The following HS3ST1 variants were observed in gnomAD, a reference collection of about 807,000 sequenced individuals.
HS3ST1 encodes heparan sulfate-glucosamine 3-sulfotransferase 1, also known as heparan sulfate glucosamine 3-O-sulfotransferase 1.
Under a neutral mutation model 20.7 loss-of-function variants are expected in HS3ST1, and 8 were observed. The ratio of observed to expected loss-of-function variants is 0.39; its 90% CI spans 0.23 to 0.70. The LOEUF is 0.70. Ranked by LOEUF, HS3ST1 falls within the 30% of genes least tolerant of loss-of-function variation. The probability of loss-of-function intolerance (pLI) is 0.46; values close to 1 mark genes in which losing one functional copy is unlikely to be tolerated. For missense variants in HS3ST1, 436 were observed against 423.4 expected (o/e 1.03, Z -0.26); for synonymous variants, 205 against 190.4 (o/e 1.08, Z -0.63).
chr4:11,426,185 T>G (rs1213441141), intron 1 of HS3ST1, among the ~76,000 whole-genome samples: 1 of 152,176 alleles, frequency 6.6e-6, no homozygotes, highest in African/African-American at 2.4e-5. Context: ...TAGACAGACA[T>G]GATTTAGCAA....
chr4:11,428,223 A>G (rs1427592933), intron 1 of HS3ST1, among the ~76,000 whole-genome samples: 1 of 152,194 alleles, frequency 6.6e-6, no homozygotes, highest in Non-Finnish European at 1.5e-5. Flanking sequence ...AACCCGACCA[A>G]GGCTTCTCCA....
Position 11,422,838 on chromosome 4 carries a change from G to A in HS3ST1, c.-109+5861C>T, listed in dbSNP as rs557097433. Reference sequence around the variant, plus strand: ...AAAAAAATTTCCGTGGACGATGGGAGCAGGCTTAAAGTAAGTTAATAAGCA... The same window carrying A: ...AAAAAAATTTCCGTGGACGATGGGAACAGGCTTAAAGTAAGTTAATAAGCA... On this transcript the variant is annotated intron_variant, in intron 1 of 1. Transcript: ENST00000002596. Among the ~76,000 whole-genome samples, 9 of 151,980 alleles carry A rather than the reference G, an allele frequency of 5.9e-5. No homozygotes were observed. In the East Asian group the frequency reaches 1.4e-3, roughly 23 times the overall value.
chr4:11,395,826 G>A lies in HS3ST1; in HGVS notation c.*3256C>T, dbSNP rs1388895188. 1 of 152,156 alleles carries A rather than the reference G, an allele frequency of 6.6e-6. No homozygotes were observed. Among genetic ancestry groups the A allele is most frequent in the African/African-American group, 2.4e-5 (1 of 41,422 alleles). The allele number at this position is 152,156 out of a possible 1,614,324, so 9.4% of individuals were successfully genotyped here. A position where few individuals can be genotyped will look rare whatever the true frequency, so the allele number is the denominator to read the frequency against. On this transcript the variant is annotated 3_prime_UTR_variant, in exon 2 of 2. Transcript: ENST00000002596. ...CCTCTTCTCTATAAGGGGGCTAGTTGATTTCTCTCAGGAATGTTGCTGAAC... is the reference window on the plus strand; with the variant it reads ...CCTCTTCTCTATAAGGGGGCTAGTTAATTTCTCTCAGGAATGTTGCTGAAC...
At chr4:11,405,780 C>G (rs1302368831) in intron 1 of HS3ST1, among the ~76,000 whole-genome samples, 1 of 152,102 alleles carries the variant, frequency 6.6e-6, no homozygotes, top group African/African-American at 2.4e-5. Context: ...AGAGGGGAAG[C>G]AATGAAATAA....
intron 1 of HS3ST1, among the ~76,000 whole-genome samples, chr4:11,412,874 C>G (rs770421658): frequency 1.3e-5 from 2 of 152,184 alleles, no homozygotes; most frequent in Non-Finnish European, 2.9e-5. Flanking sequence ...AAATCCCCAT[C>G]ATGATGGTAT....
chr4:11,399,551 C>T lies in HS3ST1; in HGVS notation c.455G>A (p.Arg152His). The T allele has an allele frequency of 1.9e-6, 3 of 1,613,838 alleles. No individual in the cohort carries two copies. The highest frequency in any genetic ancestry group is 2.5e-6 in the Non-Finnish European group (3 of 1,180,028). Residue 152 changes from arginine to histidine, a missense_variant, in exon 2 of 2, where the codon CGC becomes CAC. Coordinates refer to ENST00000002596, the MANE Select transcript of HS3ST1 (RefSeq NM_005114.4). The surrounding 1 kb of genome is among the most constrained non-coding windows in gnomAD (Gnocchi z 5.1). Reference protein sequence around the residue: ...LLLILRDPSERVLSDYTQVFY... With the variant: ...LLLILRDPSEHVLSDYTQVFY... ...CACTTGGGTGTAGTCAGATAGCACG[C>T]GCTCCGACGGGTCTCGCAGGATGAG...
intron 1 of HS3ST1, among the ~76,000 whole-genome samples, chr4:11,415,937 A>G (rs1251758531): frequency 1.3e-5 from 2 of 151,982 alleles, no homozygotes; most frequent in Non-Finnish European, 2.9e-5. Flanking sequence ...AGCTAAGGAG[A>G]CTTGTGTGGG....
chr4:11,408,638 C>T (rs1347667042), intron 1 of HS3ST1, among the ~76,000 whole-genome samples: 2 of 152,206 alleles, frequency 1.3e-5, no homozygotes, highest in Non-Finnish European at 2.9e-5. Flanking sequence ...CATTGCTGTG[C>T]ACAGAAGGCA....
intron 1 of HS3ST1, among the ~76,000 whole-genome samples, chr4:11,407,284 G>A (rs1218886624): frequency 6.6e-6 from 1 of 152,108 alleles, no homozygotes; most frequent in Admixed American, 6.5e-5. Context: ...ATGCAGTGGG[G>A]GATAAGTTAC....
upstream of HS3ST1, chr4:11,429,631 C>A (rs1481474001): frequency 1.2e-5 from 1 of 84,562 alleles, no homozygotes. Flanking sequence ...CAGGAGAGCG[C>A]GGAAAATTCA....
rs146361835 is a variant in HS3ST1 at position 11,395,241 on chromosome 4, G to T, written c.*3841C>A. On this transcript the variant is annotated 3_prime_UTR_variant, in exon 2 of 2. Transcript: ENST00000002596. Reference sequence around the variant, plus strand: ...AGGTCAGGGTCTCTGTGGCCCACAAGTTAAGTGACCTGCCCTGACATGCGA... The same window carrying T: ...AGGTCAGGGTCTCTGTGGCCCACAATTTAAGTGACCTGCCCTGACATGCGA... 1.4e-4 allele frequency: 21 copies of T among 152,216 alleles called. No homozygotes were observed. Among genetic ancestry groups the T allele is most frequent in the African/African-American group, 5.1e-4 (21 of 41,542 alleles). 9.4% of individuals were successfully genotyped at this position (152,216 alleles called of 1,614,324 possible).
upstream of HS3ST1, among the ~76,000 whole-genome samples, chr4:11,433,228 C>CA (rs1275668255): frequency 6.6e-6 from 1 of 151,826 alleles, no homozygotes; most frequent in African/African-American, 2.4e-5. Flanking sequence ...CTCAAGGTAC[C>CA]ATAAGCTCTG....
intron 1 of HS3ST1, among the ~76,000 whole-genome samples, chr4:11,410,001 G>A (rs1196900618): frequency 1.3e-5 from 2 of 152,104 alleles, no homozygotes; most frequent in African/African-American, 4.8e-5. Flanking sequence ...TGATTTTTAG[G>A]AATCTCATAA....
At chr4:11,411,473 G>A (rs1460576227) in intron 1 of HS3ST1, among the ~76,000 whole-genome samples, 1 of 152,112 alleles carries the variant, frequency 6.6e-6, no homozygotes, top group Non-Finnish European at 1.5e-5. Flanking sequence ...AAGTAAATTA[G>A]TATCTCATTT....
In HS3ST1 at chr4:11,409,836, G is replaced by T. The variant is rs189537655; in HGVS notation, c.-108-9723C>A. Among the ~76,000 whole-genome samples the T allele has an allele frequency of 1.7e-3, 261 of 152,326 alleles. 1 individual carries two copies. Among genetic ancestry groups the T allele is most frequent in the African/African-American group, 6.0e-3 (249 of 41,572 alleles). ...TGACATCTATGTATGAAGCCAGCTG[G>T]CTGATGGGAGACGGTGGCAATCAGC... On this transcript the variant is annotated intron_variant, in intron 1 of 1. Transcript: ENST00000002596.
At chr4:11,412,191 A>G (rs960231537) in intron 1 of HS3ST1, among the ~76,000 whole-genome samples, 14 of 152,180 alleles carry the variant, frequency 9.2e-5, no homozygotes, top group Non-Finnish European at 1.6e-4. Flanking sequence ...ACCAGGGTAA[A>G]TAGGGTGCTG....
intron 1 of HS3ST1, among the ~76,000 whole-genome samples, chr4:11,409,914 G>T (rs968904563): frequency 2.6e-5 from 4 of 152,222 alleles, no homozygotes; most frequent in African/African-American, 9.6e-5. Flanking sequence ...GGCAGATATT[G>T]TCAGAGACCA....
intron 1 of HS3ST1, among the ~76,000 whole-genome samples, chr4:11,421,880 A>G (rs1458419274): frequency 6.6e-6 from 1 of 152,190 alleles, no homozygotes; most frequent in Non-Finnish European, 1.5e-5. Context: ...GGCATCTCTA[A>G]GAAAAGTTTC....
rs1181811777 is a variant in HS3ST1, at chr4:11,393,438, C to T, written c.*5644G>A. The T allele has an allele frequency of 6.6e-6, 1 of 152,244 alleles. No individual in the cohort carries two copies. Among genetic ancestry groups the T allele is most frequent in the African/African-American group, 2.4e-5 (1 of 41,542 alleles). 9.4% of individuals were successfully genotyped at this position (152,244 alleles called of 1,614,324 possible). On this transcript the variant is annotated 3_prime_UTR_variant, in exon 2 of 2. Transcript: ENST00000002596. ...TTAATTGGAAGAATTCTAATAACTC[C>T]GTGGGTTGATCACGTTATACATGTA... is the stretch of plus-strand genomic sequence containing the variant.
Sources: allele counts gnomAD v4.1 joint callset (sites outside exome capture counted in the v4.1 genomes callset), GRCh38; gene constraint gnomAD v4.1.1; non-coding constraint Gnocchi (gnomAD v3.1); transcripts MANE v1.5; gene names NCBI Gene and HGNC (gene_info 2026-07-23, HGNC 2026-07-21).